The following CSMD3 variants were observed in gnomAD, a reference collection of about 807,000 sequenced individuals.
CSMD3 encodes the protein CUB and sushi domain-containing protein 3.
A neutral mutation model predicts 435.2 loss-of-function variants in CSMD3; 177 were observed. The observed-to-expected ratio is 0.41, with a 90% CI of 0.36 to 0.46. The LOEUF (loss-of-function observed/expected upper bound fraction) is 0.46. Ranked by LOEUF, CSMD3 falls within the 20% of genes least tolerant of loss-of-function variation. The pLI, the probability that CSMD3 is intolerant of heterozygous loss-of-function variation, is 0.34. For missense variants in CSMD3, 4,265 were observed against 4,504.6 expected, an observed-to-expected ratio of 0.95 and a Z score of 1.52; for synonymous variants, 1,656 against 1,520.5, an observed-to-expected ratio of 1.09 and a Z score of -2.07.
intron 13 of CSMD3, among the ~76,000 whole-genome samples, chr8:112,701,057 C>G (rs997566419): frequency 1.3e-5 from 2 of 152,110 alleles, no homozygotes; most frequent in Non-Finnish European, 2.9e-5. Context: ...GTTTATATAA[C>G]TTTTCCCCCT....
intron 16 of CSMD3, among the ~76,000 whole-genome samples, chr8:112,668,346 G>A (rs1024876274): frequency 3.3e-5 from 5 of 152,054 alleles, no homozygotes; most frequent in Non-Finnish European, 5.9e-5. Context: ...AAAATACAGA[G>A]TATTTCTGAC....
intron 24 of CSMD3, among the ~76,000 whole-genome samples, chr8:112,561,701 A>G (rs1828637672): frequency 6.6e-6 from 1 of 151,608 alleles, no homozygotes; most frequent in Non-Finnish European, 1.5e-5. Flanking sequence ...CAAATATTCT[A>G]ATTCAGTTTA....
chr8:112,342,045 G>A (rs1294518696), intron 41 of CSMD3, among the ~76,000 whole-genome samples: 1 of 152,062 alleles, frequency 6.6e-6, no homozygotes, highest in African/African-American at 2.4e-5. Flanking sequence ...CCTAATTTGT[G>A]TTATGGAAAA....
In CSMD3 at chr8:112,314,593, C is replaced by T. The variant is rs148640280; in HGVS notation, c.7385G>A (p.Arg2462Gln). The part of the protein sequence containing the change: ...CQVLCPANEL[R>Q]LDSTGVILSP... ...CAATATGACTCCAGTAGAATCTAGCCGTAATTCATTGGCAGGACAGAGCAC... is the reference window on the plus strand; with the variant it reads ...CAATATGACTCCAGTAGAATCTAGCTGTAATTCATTGGCAGGACAGAGCAC... Residue 2462 changes from arginine (R) to glutamine (Q), a missense_variant, in exon 48 of 71, where the codon CGG becomes CAG. Physicochemically the swap from Arg to Gln is conservative, Grantham distance 43. Around this residue, in one of 3 missense-constraint regions of CSMD3, gnomAD observed 3,255 missense variants for 3,380.2 expected, o/e 0.96. Coordinates refer to ENST00000297405, the MANE Select transcript of CSMD3 (RefSeq NM_198123.2). The T allele has an allele frequency of 5.0e-5, 81 of 1,612,360 alleles. No individual in the cohort carries two copies. The highest frequency in any genetic ancestry group is 2.3e-4 in the African/African-American group (17 of 74,918).
intron 10 of CSMD3, among the ~76,000 whole-genome samples, chr8:112,879,370 C>G (rs527874845): frequency 2.6e-5 from 4 of 152,106 alleles, no homozygotes; most frequent in Non-Finnish European, 5.9e-5. Flanking sequence ...GATGGGTTCT[C>G]TGCCCTTGAA....
chr8:113,080,144 G>A (rs1005629924), intron 5 of CSMD3, among the ~76,000 whole-genome samples: 3 of 152,102 alleles, frequency 2.0e-5, no homozygotes, highest in Non-Finnish European at 4.4e-5. Context: ...AGTGATGTTT[G>A]ATGAGTAGAT....
chr8:112,255,642 G>A lies in CSMD3; in HGVS notation c.9863-215C>T, dbSNP rs141552637. On this transcript the variant is annotated intron_variant, in intron 61 of 70. Transcript: ENST00000297405. ...AATATTTAAAAATTAGCTCGATTTCGATGTTTTCCACTTAGTAAGCTACCT... is the reference window on the plus strand; with the variant it reads ...AATATTTAAAAATTAGCTCGATTTCAATGTTTTCCACTTAGTAAGCTACCT... 345 of 557,162 alleles carry A rather than the reference G, an allele frequency of 6.2e-4. 2 individuals carry two copies. Among genetic ancestry groups the A allele is most frequent in the African/African-American group, 3.8e-3 (200 of 52,848 alleles). The allele number at this position is 557,162 out of a possible 1,614,324, so 34.5% of individuals were successfully genotyped here.
At chr8:112,699,895 A>C (rs1475750571) in intron 13 of CSMD3, among the ~76,000 whole-genome samples, 2 of 152,160 alleles carry the variant, frequency 1.3e-5, no homozygotes, top group East Asian at 1.9e-4. Flanking sequence ...GAAATGAAAG[A>C]GACATGACAA....
intron 1 of CSMD3, among the ~76,000 whole-genome samples, chr8:113,387,709 G>A (rs139156350): frequency 0.018 from 2,775 of 151,620 alleles, 40 homozygotes; most frequent in Middle Eastern, 0.065. Flanking sequence ...AAAGGGGGAT[G>A]AGGAACAAGA....
At chr8:112,580,500 C>T (rs1439958791) in intron 23 of CSMD3, among the ~76,000 whole-genome samples, 4 of 149,132 alleles carry the variant, frequency 2.7e-5, no homozygotes, top group East Asian at 2.0e-4. Flanking sequence ...TATCTGGAGC[C>T]CAGAAAGGTG....
intron 38 of CSMD3, among the ~76,000 whole-genome samples, chr8:112,373,732 T>A (rs550280722): frequency 8.1e-4 from 123 of 152,316 alleles, no homozygotes; most frequent in Admixed American, 3.9e-3. Flanking sequence ...CCTACCTTTT[T>A]TGAAACTTGA....
At chr8:112,459,665 A>T (rs1171895374) in intron 32 of CSMD3, among the ~76,000 whole-genome samples, 7 of 152,130 alleles carry the variant, frequency 4.6e-5, no homozygotes, top group African/African-American at 9.7e-5. Context: ...TTCATTGGGC[A>T]TTAGGTAGCC....
intron 63 of CSMD3, 44 bp from the exon 64 acceptor site, chr8:112,247,175 T>C: frequency 8.4e-7 from 1 of 1,189,314 alleles, no homozygotes; most frequent in Non-Finnish European, 1.3e-6. Context: ...CCCTACAACT[T>C]CAAATATGGC....
rs1361701943 is a variant in CSMD3, at chr8:113,419,076, T to C, written c.178+17601A>G. Among the ~76,000 whole-genome samples, 3 of 151,942 alleles carry C rather than the reference T, an allele frequency of 2.0e-5. No individual in the cohort carries two copies. In the East Asian group the frequency reaches 5.8e-4, roughly 29 times the overall value. On this transcript the variant is annotated intron_variant, in intron 1 of 70. Transcript: ENST00000297405. ...TATATTAATACATAATATTTGTACATATTTAAAGGGTATATGTGATATTTG... is the reference window on the plus strand; with the variant it reads ...TATATTAATACATAATATTTGTACACATTTAAAGGGTATATGTGATATTTG...
intron 4 of CSMD3, among the ~76,000 whole-genome samples, chr8:113,135,325 AAT>A (rs899650167): frequency 2.0e-5 from 3 of 151,986 alleles, no homozygotes; most frequent in African/African-American, 7.2e-5. Flanking sequence ...AATAAAAATA[AAT>A]ACAGACAATT....
intron 32 of CSMD3, among the ~76,000 whole-genome samples, chr8:112,410,690 ATATATATATGTG>A: frequency 8.9e-6 from 1 of 112,568 alleles, no homozygotes; most frequent in South Asian, 3.2e-4. Flanking sequence ...ATATATATGT[ATATATATATGTG>A]TATATATATA....
chr8:112,734,322 C>T (rs2077139343), intron 13 of CSMD3, among the ~76,000 whole-genome samples: 1 of 151,462 alleles, frequency 6.6e-6, no homozygotes, highest in African/African-American at 2.4e-5. Context: ...TTAAATTTCT[C>T]TTTAACAGAT....
At chr8:112,620,529 A>G (rs545855568) in intron 22 of CSMD3, among the ~76,000 whole-genome samples, 6 of 152,250 alleles carry the variant, frequency 3.9e-5, no homozygotes, top group Middle Eastern at 3.4e-3. Flanking sequence ...TTGTATTCTC[A>G]AAGCGATTTT....
intron 5 of CSMD3, among the ~76,000 whole-genome samples, chr8:113,053,487 C>T (rs1240447160): frequency 3.3e-5 from 5 of 151,862 alleles, no homozygotes; most frequent in African/African-American, 9.7e-5. Flanking sequence ...ACCTAATATC[C>T]TTATTGACTT....
Sources: allele counts gnomAD v4.1 joint callset (sites outside exome capture counted in the v4.1 genomes callset), GRCh38; gene constraint gnomAD v4.1.1; regional missense constraint gnomAD v4.1.1; transcripts MANE v1.5; gene names NCBI Gene and HGNC (gene_info 2026-07-23, HGNC 2026-07-21).